INPP5D: variants seen among roughly 807,000 people sequenced by gnomAD.
The protein encoded by INPP5D is phosphatidylinositol 3,4,5-trisphosphate 5-phosphatase 1.
Under a neutral mutation model 122.9 loss-of-function variants are expected in INPP5D, and 33 were observed. The observed-to-expected ratio is 0.27, with a 90% confidence interval of 0.20 to 0.36. INPP5D has a LOEUF of 0.36. INPP5D is among the 10% of genes least tolerant of loss of function. The probability of loss-of-function intolerance (pLI) is 1.00; values close to 1 mark genes in which losing one functional copy is unlikely to be tolerated. For missense variants in INPP5D, 1,053 were observed against 1,412.7 expected (o/e 0.75, Z 4.08); for synonymous variants, 584 against 576.2 (o/e 1.01, Z -0.19).
In INPP5D at chr2:233,078,033, G is replaced by C. The variant is rs922455926; in HGVS notation, c.135-1302G>C. 1.2e-4 allele frequency among the ~76,000 whole-genome samples: 18 copies of C among 152,120 alleles called. No individual in the cohort carries two copies. Among genetic ancestry groups the C allele is most frequent in the Admixed American group, 1.1e-3 (17 of 15,274 alleles). ...GCTCTACGGGCCAGGTGAGCCTTCC[G>C]GGCTCAGGAGAATCTTAAGTAGCAA... On this transcript the variant is annotated intron_variant, in intron 1 of 26. Coordinates refer to ENST00000445964, the MANE Select transcript of INPP5D (RefSeq NM_001017915.3). The surrounding 1 kb of genome is among the most constrained non-coding windows in gnomAD (Gnocchi z 4.6).
intron 1 of INPP5D, among the ~76,000 whole-genome samples, chr2:233,075,975 T>A (rs1333963992): frequency 1.3e-5 from 2 of 152,228 alleles, no homozygotes; most frequent in East Asian, 3.8e-4. Flanking sequence ...TTTCTTTGTT[T>A]CAGTGTTTCT....
chr2:233,186,395 A>G (rs1694915502), intron 21 of INPP5D, among the ~76,000 whole-genome samples: 1 of 152,096 alleles, frequency 6.6e-6, no homozygotes, highest in Admixed American at 6.5e-5. Flanking sequence ...CTGATCATAC[A>G]CTTGTGAACA....
chr2:233,146,299 T>C, intron 7 of INPP5D, 57 bp downstream of exon 7: 1 of 704,292 alleles, frequency 1.4e-6, no homozygotes, highest in Non-Finnish European at 2.6e-6. Flanking sequence ...CCTCTTTGCA[T>C]GGAGAATGCC....
intron 1 of INPP5D, among the ~76,000 whole-genome samples, chr2:233,077,581 C>T (rs1028695056): frequency 6.8e-6 from 1 of 146,790 alleles, no homozygotes. Flanking sequence ...ATTGCTTGAA[C>T]CTGGGAGGCA....
chr2:233,168,005 C>CAA (rs58025565), intron 13 of INPP5D, among the ~76,000 whole-genome samples: 64 of 72,680 alleles, frequency 8.8e-4, no homozygotes, highest in East Asian at 1.4e-3. Context: ...ACTCTGTCTC[C>CAA]AAAAAAAAAA....
chr2:233,157,444 G>T (rs1352448856), intron 9 of INPP5D, among the ~76,000 whole-genome samples: 1 of 151,550 alleles, frequency 6.6e-6, no homozygotes, highest in African/African-American at 2.4e-5. Flanking sequence ...AAAAAAAAAA[G>T]TATGGCAATT....
chr2:233,166,112 A>C (rs1308443219), intron 13 of INPP5D, among the ~76,000 whole-genome samples: 3 of 152,146 alleles, frequency 2.0e-5, no homozygotes, highest in African/African-American at 7.2e-5. Context: ...CCACAGTAGA[A>C]GGGTGGGGCT....
chr2:233,103,702 C>CTTTTT (rs61589704), intron 2 of INPP5D, among the ~76,000 whole-genome samples: 3 of 116,156 alleles, frequency 2.6e-5, no homozygotes, highest in African/African-American at 6.7e-5. Context: ...AAAAGTAGTT[C>CTTTTT]TTTTTTTTTT....
chr2:233,171,449 C>T (rs1314530218), intron 17 of INPP5D, among the ~76,000 whole-genome samples: 1 of 152,050 alleles, frequency 6.6e-6, no homozygotes, highest in African/African-American at 2.4e-5. Context: ...TTTTTAAAGT[C>T]CCGTGATCAA....
chr2:233,169,528 T>C, intron 14 of INPP5D, 127 bp downstream of exon 14: 1 of 1,412,036 alleles, frequency 7.1e-7, no homozygotes, highest in Non-Finnish European at 9.5e-7. Flanking sequence ...CTGTGGCCTT[T>C]CAGGGCCCAC....
chr2:233,178,541 G>A (rs1694703964), intron 18 of INPP5D, among the ~76,000 whole-genome samples: 1 of 151,884 alleles, frequency 6.6e-6, no homozygotes. Context: ...GGAGTACAGT[G>A]GCAAAATCTC....
At chr2:233,077,397 A>T (rs1308184069) in intron 1 of INPP5D, among the ~76,000 whole-genome samples, 2 of 152,176 alleles carry the variant, frequency 1.3e-5, no homozygotes, top group East Asian at 1.9e-4. Flanking sequence ...GCAGTGGCTC[A>T]TGCCTGTAAT....
At chr2:233,124,934 G>A (rs558674211) in intron 3 of INPP5D, among the ~76,000 whole-genome samples, 20 of 152,376 alleles carry the variant, frequency 1.3e-4, no homozygotes, top group African/African-American at 3.6e-4. Context: ...CGTGGAGCTC[G>A]AAGCAGACTC....
rs1695002687 is a variant in INPP5D, at chr2:233,189,707, C to CTTGGGTATAG, written c.2359-143_2359-142insTTGGGTATAG. On this transcript the variant is annotated intron_variant, in intron 21 of 26. Coordinates refer to ENST00000445964, the MANE Select transcript of INPP5D (RefSeq NM_001017915.3). This position sits in a 1 kb window ranked among gnomAD's most constrained non-coding sequence, Gnocchi z 5.6. ...GGGTGTATGTGAAAGCTATACCCCA[C>CTTGGGTATAG]CTGCTCTCTTGGGTATGGACAGCAG... is the stretch of plus-strand genomic sequence containing the variant. The CTTGGGTATAG allele has an allele frequency of 8.1e-7, 1 of 1,234,820 alleles. No homozygotes were observed. The allele number at this position is 1,234,820 out of a possible 1,614,324, so 76.5% of individuals were successfully genotyped here.
chr2:233,079,472 A>C, intron 2 of INPP5D, 74 bp downstream of exon 2: 1 of 986,146 alleles, frequency 1.0e-6, no homozygotes, highest in East Asian at 2.4e-5. Flanking sequence ...GTAAACGATG[A>C]GGAAGGAAGT....
chr2:233,177,479 A>T lies in INPP5D; in HGVS notation c.2071+133A>T, dbSNP rs757765162. ...GGAGGAATTCACTGTAACCCTAATCAGGCGACCTGGAAATGTTGATGCTTC... is the reference window on the plus strand; with the variant it reads ...GGAGGAATTCACTGTAACCCTAATCTGGCGACCTGGAAATGTTGATGCTTC... On this transcript the variant is annotated intron_variant, in intron 18 of 26. Transcript: ENST00000445964. This position sits in a 1 kb window ranked among gnomAD's most constrained non-coding sequence, Gnocchi z 4.2. 2.0e-5 allele frequency: 29 copies of T among 1,447,756 alleles called. No homozygotes were observed. The highest frequency in any genetic ancestry group is 2.6e-5 in the Non-Finnish European group (28 of 1,062,234). 89.7% of individuals were successfully genotyped at this position (1,447,756 alleles called of 1,614,324 possible). A position where few individuals can be genotyped will look rare whatever the true frequency, so the allele number is the denominator to read the frequency against.
At chr2:233,065,794 C>A (rs1407569800) in intron 1 of INPP5D, among the ~76,000 whole-genome samples, 14 of 151,560 alleles carry the variant, frequency 9.2e-5, no homozygotes, top group African/African-American at 3.4e-4. Flanking sequence ...TTACAGGTAC[C>A]CACCACCATA....
chr2:233,160,677 C>A lies in INPP5D; in HGVS notation c.1138-1047C>A, dbSNP rs28655385. Among the ~76,000 whole-genome samples, 53,244 of 151,856 alleles carry A rather than the reference C, an allele frequency of 0.35. 11,575 individuals are homozygous for A. The highest frequency in any genetic ancestry group is 0.49 in the Non-Finnish European group (33,184 of 67,938). On this transcript the variant is annotated intron_variant, in intron 10 of 26. Transcript: ENST00000445964. The surrounding 1 kb of genome is among the most constrained non-coding windows in gnomAD (Gnocchi z 4.2). ...GAGACAGGGTCTTGTTCAGTTGCCC[C>A]GGCTGAAGTGCAGTGGCAAGATCAT...
rs758944508 is a variant in INPP5D, at chr2:233,185,808, G to C, written c.2276-35G>C. ...GTCTTTTCTGTCTGGTTCTTGCTCT[G>C]TTTTCTGAAAACCAGCCTTTTTGTC... On this transcript the variant is annotated intron_variant, in intron 20 of 26. Coordinates refer to ENST00000445964, the MANE Select transcript of INPP5D (RefSeq NM_001017915.3). 1.1e-5 allele frequency: 17 copies of C among 1,559,732 alleles called. No individual in the cohort carries two copies. In the Admixed American group the frequency reaches 2.8e-4, roughly 26 times the overall value.
Sources: gnomAD v4.1 joint callset for allele counts (sites outside exome capture counted in the v4.1 genomes callset) on GRCh38, gnomAD v4.1.1 for gene constraint, Gnocchi (gnomAD v3.1) non-coding constraint, MANE v1.5 for transcripts, NCBI Gene and HGNC (gene_info 2026-07-23, HGNC 2026-07-21) for gene names.